PDK1: variants seen among roughly 807,000 people sequenced by gnomAD.
PDK1 encodes the protein [Pyruvate dehydrogenase (acetyl-transferring)] kinase isozyme 1, mitochondrial.
In PDK1, 39 loss-of-function variants were observed where a neutral mutation model predicts 54.2. The ratio of observed to expected loss-of-function variants is 0.72; its 90% confidence interval spans 0.56 to 0.94. PDK1 has a LOEUF of 0.94. Ranked by LOEUF, PDK1 falls within the 40% of genes least tolerant of loss-of-function variation. The pLI, the probability that PDK1 is intolerant of heterozygous loss-of-function variation, is 0.00. For synonymous variants in PDK1, 221 were observed against 207.1 expected, an observed-to-expected ratio of 1.07 and a Z score of -0.58; for missense variants, 552 against 566.0, an observed-to-expected ratio of 0.98 and a Z score of 0.25.
chr2:172,673,279 A>AT, the PDK1 span, among the ~76,000 whole-genome samples: 1 of 152,100 alleles, frequency 6.6e-6, no homozygotes. Flanking sequence ...CACTGTGTTT[A>AT]TTGGAGTTGT....
At chr2:172,574,763 A>G (rs1425037404) in intron 8 of PDK1, among the ~76,000 whole-genome samples, 1 of 152,066 alleles carries the variant, frequency 6.6e-6, no homozygotes, top group African/African-American at 2.4e-5. Context: ...ATTTTTTTGT[A>G]CTGATCTTGT....
At position 172,597,542 on chromosome 2, in the gene PDK1, A is replaced by G. The variant is rs1690957522; in HGVS notation, c.*1573A>G. The G allele has an allele frequency of 1.3e-5, 2 of 152,216 alleles. No homozygotes were observed. Among genetic ancestry groups the G allele is most frequent in the Admixed American group, 6.5e-5 (1 of 15,272 alleles). 9.4% of individuals were successfully genotyped at this position (152,216 alleles called of 1,614,324 possible). On this transcript the variant is annotated 3_prime_UTR_variant, in exon 11 of 11. Transcript: ENST00000282077. ...ATTTGTACTTTACAAATACTTTGATATATTATAACTCTATTGGTCTTTGAA... is the reference window on the plus strand; with the variant it reads ...ATTTGTACTTTACAAATACTTTGATGTATTATAACTCTATTGGTCTTTGAA...
chr2:172,650,148 A>G, the PDK1 span, among the ~76,000 whole-genome samples: 1 of 152,234 alleles, frequency 6.6e-6, no homozygotes. Flanking sequence ...TCTCTGCAGA[A>G]ACTCTACAAG....
the PDK1 span, among the ~76,000 whole-genome samples, chr2:172,619,647 T>G: frequency 6.6e-6 from 1 of 152,050 alleles, no homozygotes; most frequent in South Asian, 2.1e-4. Flanking sequence ...TCAGGTAATA[T>G]CTCAAAATAT....
chr2:172,614,209 G>A, the PDK1 span, among the ~76,000 whole-genome samples: 1 of 151,978 alleles, frequency 6.6e-6, no homozygotes, highest in Non-Finnish European at 1.5e-5. Context: ...AGGTTCAGGG[G>A]TACCTGTTCA....
the PDK1 span, among the ~76,000 whole-genome samples, chr2:172,709,043 TCTC>T: frequency 6.7e-6 from 1 of 149,612 alleles, no homozygotes; most frequent in Non-Finnish European, 1.5e-5. Flanking sequence ...TCTCTCTCTC[TCTC>T]TTTTTTTTGT....
At chr2:172,702,606 T>TA in the PDK1 span, among the ~76,000 whole-genome samples, 1 of 142,840 alleles carries the variant, frequency 7.0e-6, no homozygotes, top group African/African-American at 2.6e-5. Context: ...CTAACTGCCT[T>TA]TTTTTTTTTT....
Position 172,604,460 on chromosome 2 carries a change from C to G in PDK1, c.*8491C>G, listed in dbSNP as rs1013161540. The G allele has an allele frequency of 1.2e-4, 18 of 152,052 alleles. No individual in the cohort carries two copies. Among genetic ancestry groups the G allele is most frequent in the African/African-American group, 4.1e-4 (17 of 41,400 alleles). 9.4% of individuals were successfully genotyped at this position (152,052 alleles called of 1,614,324 possible). ...CGCGCATATTTTGTTAGACTTAAATCTAAGTATTTGCTTTTTTTTTAACTT... is the reference window on the plus strand; with the variant it reads ...CGCGCATATTTTGTTAGACTTAAATGTAAGTATTTGCTTTTTTTTTAACTT... On this transcript the variant is annotated 3_prime_UTR_variant, in exon 11 of 11. Transcript: ENST00000282077.
the PDK1 span, among the ~76,000 whole-genome samples, chr2:172,677,937 G>T: frequency 6.6e-6 from 1 of 152,208 alleles, no homozygotes; most frequent in African/African-American, 2.4e-5. Context: ...GGGAGGCCAA[G>T]GCAGGCGGAT....
chr2:172,665,836 G>C, the PDK1 span, among the ~76,000 whole-genome samples: 3 of 152,272 alleles, frequency 2.0e-5, no homozygotes, highest in South Asian at 6.2e-4. Flanking sequence ...AGTGTCTATG[G>C]AAATGGTCAG....
rs545816365 is a variant in PDK1, at chr2:172,582,515, A to T, written c.946-3763A>T. On this transcript the variant is annotated intron_variant, in intron 8 of 10. Transcript: ENST00000282077. ...GTGCACTGAAGAGAAAACTTTAAAA[A>T]TAATTGGCAAACTTCTCTTCCTTGG... Among the ~76,000 whole-genome samples the T allele has an allele frequency of 4.1e-4, 62 of 152,358 alleles. No homozygotes were observed. In the South Asian group the frequency reaches 0.013, roughly 31 times the overall value.
intron 5 of PDK1, among the ~76,000 whole-genome samples, chr2:172,565,980 G>A (rs746090804): frequency 7.9e-5 from 12 of 152,094 alleles, no homozygotes; most frequent in African/African-American, 1.9e-4. Context: ...TTAAATACAC[G>A]CTCACTTTTG....
the PDK1 span, among the ~76,000 whole-genome samples, chr2:172,616,435 C>T: frequency 6.6e-6 from 1 of 152,082 alleles, no homozygotes; most frequent in African/African-American, 2.4e-5. Context: ...GAAAAGAACT[C>T]CCAAGAGACT....
At chr2:172,710,777 C>G in the PDK1 span, among the ~76,000 whole-genome samples, 4 of 152,238 alleles carry the variant, frequency 2.6e-5, no homozygotes, top group Admixed American at 1.3e-4. Flanking sequence ...CTTTTCAGCT[C>G]TACCCCTTTG....
the PDK1 span, among the ~76,000 whole-genome samples, chr2:172,706,660 C>G: frequency 6.6e-6 from 1 of 152,170 alleles, no homozygotes; most frequent in Non-Finnish European, 1.5e-5. Flanking sequence ...AACTTCTGGG[C>G]TCAAGTGATC....
intron 8 of PDK1, among the ~76,000 whole-genome samples, chr2:172,577,928 CTA>C (rs1254038154): frequency 6.6e-6 from 1 of 152,102 alleles, no homozygotes; most frequent in African/African-American, 2.4e-5. Flanking sequence ...CTGTTTATTT[CTA>C]AACATGGATT....
At chr2:172,665,429 G>A in the PDK1 span, among the ~76,000 whole-genome samples, 376 of 152,268 alleles carry the variant, frequency 2.5e-3, 6 homozygotes, top group African/African-American at 8.7e-3. Context: ...ATGTTCTGAG[G>A]ACTTATTATT....
At chr2:172,570,195 A>G (rs1411788033) in intron 7 of PDK1, among the ~76,000 whole-genome samples, 1 of 152,158 alleles carries the variant, frequency 6.6e-6, no homozygotes, top group African/African-American at 2.4e-5. Flanking sequence ...ATATGTTGGC[A>G]CTGTGTACCC....
the PDK1 span, among the ~76,000 whole-genome samples, chr2:172,714,549 T>C: frequency 2.0e-5 from 3 of 152,104 alleles, no homozygotes; most frequent in Admixed American, 6.5e-5. Flanking sequence ...AAAATTTTCT[T>C]CTAGATTTTG....
Sources: gnomAD v4.1 joint callset for allele counts (sites outside exome capture counted in the v4.1 genomes callset) on GRCh38, gnomAD v4.1.1 for gene constraint, MANE v1.5 for transcripts, NCBI Gene and HGNC (gene_info 2026-07-23, HGNC 2026-07-21) for gene names.